SVOPL: variants seen among roughly 807,000 people sequenced by gnomAD.
SVOPL encodes putative transporter SVOPL.
In SVOPL, 60 loss-of-function variants were observed where a neutral mutation model predicts 61.0. That is an observed-to-expected ratio of 0.98 (90% CI 0.80 to 1.22). SVOPL has a LOEUF of 1.22. Ranked by LOEUF, SVOPL falls within the 50% of genes most tolerant of loss-of-function variation. The probability of loss-of-function intolerance (pLI) is 0.00; values close to 1 mark genes in which losing one functional copy is unlikely to be tolerated. For synonymous variants in SVOPL, 279 were observed against 250.0 expected (o/e 1.12, Z -1.09); for missense variants, 662 against 643.9 (o/e 1.03, Z -0.30).
rs897835488 is a variant in SVOPL at position 138,678,984 on chromosome 7, G to A, written c.62C>T (p.Thr21Ile). ...ILSLRKLSLGTAEPQVKEPKT... is the reference protein window; with the variant it reads ...ILSLRKLSLGIAEPQVKEPKT... ...CTCACCTTTAACCTGTGGCTCTGCG[G>A]TCCCCAGGCTCAATTTCCGAAGGCT... Residue 21 changes from threonine (T) to isoleucine (I), a missense_variant, in exon 2 of 16, where the codon ACC becomes ATC. Thr to Ile is a moderately conservative substitution (Grantham distance 89). Transcript: ENST00000674285. The A allele has an allele frequency of 3.9e-6, 6 of 1,551,596 alleles. No individual in the cohort carries two copies. Among genetic ancestry groups the A allele is most frequent in the Non-Finnish European group, 5.2e-6 (6 of 1,146,950 alleles).
At chr7:138,661,960 T>C in intron 5 of SVOPL, 1 of 985,440 alleles carries the variant, frequency 1.0e-6, no homozygotes, top group Non-Finnish European at 1.2e-6. Context: ...ACCAATAGGC[T>C]CCTCTTGAAC....
intron 9 of SVOPL, among the ~76,000 whole-genome samples, chr7:138,635,208 G>A (rs191797663): frequency 3.4e-4 from 51 of 151,712 alleles, no homozygotes; most frequent in African/African-American, 1.2e-3. Flanking sequence ...TGAAGCAGTG[G>A]TTGCAGTGAG....
chr7:138,627,496 C>T lies in SVOPL; in HGVS notation c.1070-35G>A, dbSNP rs1264013171. 1.9e-6 allele frequency: 3 copies of T among 1,540,692 alleles called. 1 individual carries two copies. Among genetic ancestry groups the T allele is most frequent in the East Asian group, 4.5e-5 (2 of 44,132 alleles). ...AAACAGTAAAGATAATTTCTGGAAC[C>T]TTGGAAGGCAAGTGGCATATTGCAA... On this transcript the variant is annotated intron_variant, in intron 11 of 15. Coordinates refer to ENST00000674285, the MANE Select transcript of SVOPL (RefSeq NM_001139456.2).
rs1802117639 is a variant in SVOPL at position 138,663,794 on chromosome 7, C to T, written c.274-649G>A. 2.0e-5 allele frequency among the ~76,000 whole-genome samples: 3 copies of T among 151,436 alleles called. No individual in the cohort carries two copies. In the South Asian group the frequency reaches 6.2e-4, roughly 32 times the overall value. On this transcript the variant is annotated intron_variant, in intron 4 of 15. Coordinates refer to ENST00000674285, the MANE Select transcript of SVOPL (RefSeq NM_001139456.2). ...CCTTCAAGAAGTTCAGGCTTCACTG[C>T]AGCCCTGACTGACGGCCTCCAGGGC...
At chr7:138,653,249 T>C (rs535548690) in intron 7 of SVOPL, among the ~76,000 whole-genome samples, 1 of 152,300 alleles carries the variant, frequency 6.6e-6, no homozygotes, top group South Asian at 2.1e-4. Context: ...CTGCAGCAGG[T>C]CATCCAGGAG....
intron 3 of SVOPL, among the ~76,000 whole-genome samples, chr7:138,676,262 T>C (rs1296710818): frequency 6.6e-6 from 1 of 152,248 alleles, no homozygotes; most frequent in African/African-American, 2.4e-5. Flanking sequence ...TTCTTCAAAA[T>C]AGCGTAGGGT....
chr7:138,634,833 C>T (rs1020861880), intron 9 of SVOPL, among the ~76,000 whole-genome samples: 2 of 151,148 alleles, frequency 1.3e-5, no homozygotes, highest in Admixed American at 1.3e-4. Flanking sequence ...GGCATGGTGG[C>T]ATACACCTGT....
intron 9 of SVOPL, among the ~76,000 whole-genome samples, chr7:138,636,683 C>A (rs1413822097): frequency 6.6e-6 from 1 of 152,028 alleles, no homozygotes; most frequent in Admixed American, 6.6e-5. Flanking sequence ...GTTGGCCAGG[C>A]TGGTCTCGAA....
intron 4 of SVOPL, among the ~76,000 whole-genome samples, chr7:138,669,506 AAAGAG>A (rs1218050445): frequency 1.3e-5 from 2 of 152,188 alleles, no homozygotes; most frequent in Non-Finnish European, 2.9e-5. Context: ...AGCCACCAGA[AAAGAG>A]AAGAGGCTGG....
chr7:138,664,566 A>C (rs1456868738), intron 4 of SVOPL, among the ~76,000 whole-genome samples: 8 of 140,978 alleles, frequency 5.7e-5, no homozygotes, highest in African/African-American at 2.2e-4. Context: ...CGCGCGCCTA[A>C]CCCTCCAGCG....
In SVOPL at chr7:138,700,490, C is replaced by G. The variant is rs551471987; in HGVS notation, c.-35+688G>C. The stretch of plus-strand genomic sequence containing the variant: ...AGTACCTGGGATTACAGGCACCCAC[C>G]ACCATGCATGGCTAATTTTTTTGTA... On this transcript the variant is annotated intron_variant, in intron 1 of 15. Coordinates refer to ENST00000674285, the MANE Select transcript of SVOPL (RefSeq NM_001139456.2). 2.0e-5 allele frequency among the ~76,000 whole-genome samples: 3 copies of G among 152,052 alleles called. 1 individual carries two copies. The highest frequency in any genetic ancestry group is 4.8e-5 in the African/African-American group (2 of 41,502).
chr7:138,667,057 C>CA (rs1213983491), intron 4 of SVOPL, among the ~76,000 whole-genome samples: 1 of 151,734 alleles, frequency 6.6e-6, no homozygotes, highest in Non-Finnish European at 1.5e-5. Flanking sequence ...TTTAAAAACG[C>CA]AAAAAAGGAA....
chr7:138,673,493 C>A (rs1282132324), intron 3 of SVOPL, among the ~76,000 whole-genome samples: 1 of 151,890 alleles, frequency 6.6e-6, no homozygotes, highest in Non-Finnish European at 1.5e-5. Context: ...CCCATCGCTG[C>A]TAAAAATACA....
intron 13 of SVOPL, among the ~76,000 whole-genome samples, chr7:138,622,130 C>CTATG (rs1799652353): frequency 1.2e-5 from 1 of 85,710 alleles, no homozygotes; most frequent in African/African-American, 3.4e-5. Context: ...ATGTATCTAT[C>CTATG]TATCTATGTA....
chr7:138,672,530 T>C (rs147337853), intron 3 of SVOPL, among the ~76,000 whole-genome samples: 2 of 152,030 alleles, frequency 1.3e-5, no homozygotes, highest in South Asian at 2.1e-4. Flanking sequence ...ACACGCCTTA[T>C]AAATGGATTT....
chr7:138,628,543 T>C (rs1800007053), intron 10 of SVOPL, among the ~76,000 whole-genome samples, 180 bp from the exon 11 acceptor site: 2 of 152,178 alleles, frequency 1.3e-5, no homozygotes, highest in Non-Finnish European at 2.9e-5. Context: ...GATGTACACA[T>C]GCCTGTCGGG....
At chr7:138,685,919 C>T (rs1383629512) in intron 1 of SVOPL, among the ~76,000 whole-genome samples, 1 of 151,800 alleles carries the variant, frequency 6.6e-6, no homozygotes, top group Non-Finnish European at 1.5e-5. Flanking sequence ...CTAGAGGAAA[C>T]GTTTGGAGGT....
At chr7:138,700,547 G>A (rs564574523) in intron 1 of SVOPL, among the ~76,000 whole-genome samples, 4 of 151,880 alleles carry the variant, frequency 2.6e-5, no homozygotes, top group Admixed American at 6.6e-5. Context: ...CACCATCTTG[G>A]TCAGGCTGGT....
intron 10 of SVOPL, among the ~76,000 whole-genome samples, chr7:138,629,117 T>C (rs1287408126): frequency 4.1e-5 from 5 of 122,074 alleles, no homozygotes; most frequent in African/African-American, 1.6e-4. Flanking sequence ...TATATAAGCA[T>C]GTTTTATATA....
Sources: allele counts gnomAD v4.1 joint callset (sites outside exome capture counted in the v4.1 genomes callset), GRCh38; gene constraint gnomAD v4.1.1; transcripts MANE v1.5; gene names NCBI Gene and HGNC (gene_info 2026-07-23, HGNC 2026-07-21).